CES5A: variants seen among roughly 807,000 people sequenced by gnomAD.
CES5A encodes the protein carboxylesterase 5.
In CES5A, 67 loss-of-function variants were observed where a neutral mutation model predicts 62.9. The ratio of observed to expected loss-of-function variants is 1.07; its 90% CI spans 0.88 to 1.31. The LOEUF is 1.31. CES5A is among the 50% of genes most tolerant of loss of function. CES5A has a pLI of 0.00. For missense variants in CES5A, 748 were observed against 708.5 expected (o/e 1.06, Z -0.63); for synonymous variants, 296 against 280.8 (o/e 1.05, Z -0.54).
At chr16:55,926,903 G>C (rs113770286), upstream of CES5A, among the ~76,000 whole-genome samples, 207 of 152,266 alleles carry the variant, frequency 1.4e-3, 3 homozygotes, top group Middle Eastern at 3.4e-3. Context: ...CCATCGCTTT[G>C]ATTGTGCATT....
At chr16:55,882,993 A>G (rs1248239318) in intron 1 of CES5A, among the ~76,000 whole-genome samples, 1 of 152,238 alleles carries the variant, frequency 6.6e-6, no homozygotes, top group African/African-American at 2.4e-5. Context: ...AATATTTTTC[A>G]TCCCATGTAG....
rs557879840 is a variant in CES5A at position 55,955,699 on chromosome 16, G to T, written c.42+145C>A. On this transcript the variant is annotated intron_variant, in intron 1 of 13. Coordinates refer to the CES5A transcript ENST00000521992. ...AGCCCTGGGTTCTCCTGGCAGTCAA[G>T]GTATCCATCTAGCCTACCGTGGGGG... 8.2e-5 allele frequency: 66 copies of T among 809,256 alleles called. No individual in the cohort carries two copies. The East Asian group carries it at 1.7e-3, about 21-fold the overall frequency. 50.1% of individuals were successfully genotyped at this position (809,256 alleles called of 1,614,324 possible).
rs113552241 is a variant in CES5A, at chr16:55,913,316, A to T, written c.-256+12007T>A. On this transcript the variant is annotated intron_variant, in intron 1 of 12. Transcript: ENST00000518005. ...TTGCCGGTCTGGGTGGTGTCAGCTG[A>T]TCCATGGAGTGCAGGGTCTGCAAAA... Among the ~76,000 whole-genome samples the T allele has an allele frequency of 5.7e-3, 873 of 152,038 alleles. 11 individuals are homozygous for T. Among genetic ancestry groups the T allele is most frequent in the African/African-American group, 0.02 (844 of 41,468 alleles).
At chr16:55,852,127 G>A (rs2033145141) in intron 10 of CES5A, among the ~76,000 whole-genome samples, 5 of 152,220 alleles carry the variant, frequency 3.3e-5, no homozygotes, top group South Asian at 4.2e-4. Context: ...GATGTATAGC[G>A]GTGATGGTTG....
chr16:55,917,029 T>A (rs2034154133), intron 1 of CES5A, among the ~76,000 whole-genome samples: 1 of 152,222 alleles, frequency 6.6e-6, no homozygotes, highest in Non-Finnish European at 1.5e-5. Context: ...GGCATCTTTA[T>A]GCCCATTCAC....
At chr16:55,935,642 AC>A (rs2034365767) in intron 2 of CES5A, among the ~76,000 whole-genome samples, 1 of 152,152 alleles carries the variant, frequency 6.6e-6, no homozygotes. Context: ...GCCTTCCACC[AC>A]ACTCCTTTTC....
chr16:55,864,210 T>C (rs536389972), intron 5 of CES5A, among the ~76,000 whole-genome samples: 22 of 152,212 alleles, frequency 1.4e-4, no homozygotes, highest in Non-Finnish European at 2.8e-4. Flanking sequence ...GTTGTTATAA[T>C]ATATGAAAAG....
At chr16:55,944,528 G>A (rs1259113568) in intron 2 of CES5A, 1 of 157,948 alleles carries the variant, frequency 6.3e-6, no homozygotes, top group Admixed American at 6.2e-5. Context: ...AGAGCCAGGG[G>A]GCCGTCTGCT....
At chr16:55,869,261 A>G (rs1229269718) in intron 4 of CES5A, among the ~76,000 whole-genome samples, 1 of 152,122 alleles carries the variant, frequency 6.6e-6, no homozygotes, top group African/African-American at 2.4e-5. Context: ...ATGATCCTCC[A>G]TGCTGTCTCG....
chr16:55,941,946 GA>G (rs2034450696), intron 2 of CES5A, among the ~76,000 whole-genome samples: 1 of 152,032 alleles, frequency 6.6e-6, no homozygotes, highest in African/African-American at 2.4e-5. Flanking sequence ...CCTTTTAATT[GA>G]AAAATAAACT....
chr16:55,871,198 C>CA (rs1488389938), intron 3 of CES5A, among the ~76,000 whole-genome samples: 2 of 152,290 alleles, frequency 1.3e-5, no homozygotes, highest in East Asian at 3.9e-4. Context: ...CACTTACTGA[C>CA]ACGGGGATAT....
intron 1 of CES5A, among the ~76,000 whole-genome samples, chr16:55,916,694 AC>A (rs1221312975): frequency 1.3e-5 from 2 of 152,142 alleles, no homozygotes; most frequent in South Asian, 4.1e-4. Context: ...ATTTCCAGAG[AC>A]CAAGAACCAC....
intron 1 of CES5A, among the ~76,000 whole-genome samples, chr16:55,909,978 C>T (rs1321420915): frequency 7.9e-5 from 12 of 152,176 alleles, no homozygotes; most frequent in Non-Finnish European, 1.6e-4. Flanking sequence ...AGTTGGTCAT[C>T]CAGCCCCAGA....
intron 4 of CES5A, among the ~76,000 whole-genome samples, chr16:55,866,687 A>AAAAAAAAAAAAAAAAAAAAC (rs2033471578): frequency 6.7e-6 from 1 of 149,102 alleles, no homozygotes; most frequent in Non-Finnish European, 1.5e-5. Context: ...AATACAAAAA[A>AAAAAAAAAAAAAAAAAAAAC]ATTAGCTGGA....
rs569836804 is a variant in CES5A, at chr16:55,884,998, A to G, written c.-255-10961T>C. 1.3e-4 allele frequency among the ~76,000 whole-genome samples: 20 copies of G among 152,244 alleles called. No individual in the cohort carries two copies. In the South Asian group the frequency reaches 3.1e-3, roughly 24 times the overall value. ...TGTCTGCCCTCCTACTACTGCTGAG[A>G]AGGGCCTTTTCTTAATCTTTCCCCA... On this transcript the variant is annotated intron_variant, in intron 1 of 12. Transcript: ENST00000518005.
At chr16:55,951,738 A>T (rs756071413) in intron 1 of CES5A, among the ~76,000 whole-genome samples, 30 of 152,230 alleles carry the variant, frequency 2.0e-4, no homozygotes, top group Non-Finnish European at 4.1e-4. Context: ...TAACATCAAT[A>T]GAGACGATAT....
intron 3 of CES5A, 67 bp downstream of exon 3, chr16:55,871,558 G>A: frequency 1.3e-6 from 2 of 1,577,472 alleles, no homozygotes; most frequent in Admixed American, 1.7e-5. Flanking sequence ...ACATGTAGCT[G>A]CACTGCCTGG....
intron 1 of CES5A, among the ~76,000 whole-genome samples, chr16:55,919,905 A>G (rs910338182): frequency 2.0e-5 from 3 of 152,174 alleles, no homozygotes; most frequent in Non-Finnish European, 2.9e-5. Context: ...CCTGAAAGGC[A>G]GCTATAGTTA....
At chr16:55,858,501 A>G (rs1353346375) in intron 8 of CES5A, among the ~76,000 whole-genome samples, 1 of 152,200 alleles carries the variant, frequency 6.6e-6, no homozygotes, top group Non-Finnish European at 1.5e-5. Context: ...TACTTAAGCC[A>G]TGAACTGCGA....
Sources: allele counts gnomAD v4.1 joint callset (sites outside exome capture counted in the v4.1 genomes callset), GRCh38; gene constraint gnomAD v4.1.1; transcripts MANE v1.5; gene names NCBI Gene and HGNC (gene_info 2026-07-23, HGNC 2026-07-21).